The following ZFAND6 variants were observed in gnomAD, a reference collection of about 807,000 sequenced individuals.
The protein encoded by ZFAND6 is zinc finger AN1-type containing 6, also known as AN1-type zinc finger protein 6.
In ZFAND6, 12 loss-of-function variants were observed where a neutral mutation model predicts 24.5. The ratio of observed to expected loss-of-function variants is 0.49; its 90% CI spans 0.31 to 0.79. The LOEUF is 0.79. Ranked by LOEUF, ZFAND6 falls within the 30% of genes least tolerant of loss-of-function variation. The pLI, the probability that ZFAND6 is intolerant of heterozygous loss-of-function variation, is 0.04. For synonymous variants in ZFAND6, 92 were observed against 81.5 expected, an observed-to-expected ratio of 1.13 and a Z score of -0.69; for missense variants, 207 against 245.9, an observed-to-expected ratio of 0.84 and a Z score of 1.06.
chr15:80,091,285 G>C (rs2038354391), intron 1 of ZFAND6, among the ~76,000 whole-genome samples: 1 of 152,026 alleles, frequency 6.6e-6, no homozygotes, highest in Non-Finnish European at 1.5e-5. Context: ...AAAATCTAGA[G>C]GTGTTATTGA....
chr15:80,116,637 C>A (rs952425638), intron 2 of ZFAND6, among the ~76,000 whole-genome samples: 1 of 152,090 alleles, frequency 6.6e-6, no homozygotes, highest in Non-Finnish European at 1.5e-5. Flanking sequence ...AATAGAGGTT[C>A]TTTGATATTA....
At chr15:80,128,746 C>A (rs1297354396) in intron 5 of ZFAND6, among the ~76,000 whole-genome samples, 1 of 152,166 alleles carries the variant, frequency 6.6e-6, no homozygotes. Flanking sequence ...TTTAGATAGC[C>A]TTCTGATCCT....
rs368985546 is a variant in ZFAND6 at position 80,122,723 on chromosome 15, T to C, written c.287T>C (p.Leu96Ser). ...QPSPVSNQSL[L>S]SESVASSQLD... ...AGCCCTGTATCAAATCAGTCACTTT[T>C]ATCAGAATCTGTAGCATCTTCTCAA... Residue 96 changes from leucine (L) to serine (S), a missense_variant, in exon 5 of 7, where the codon TTA (leucine) becomes TCA (serine). Transcript: ENST00000261749. The C allele has an allele frequency of 2.5e-6, 4 of 1,613,526 alleles. No individual in the cohort carries two copies. Among genetic ancestry groups the C allele is most frequent in the South Asian group, 1.1e-5 (1 of 91,074 alleles).
chr15:80,080,517 T>C (rs1228209619), intron 1 of ZFAND6, among the ~76,000 whole-genome samples: 2 of 152,178 alleles, frequency 1.3e-5, no homozygotes, highest in African/African-American at 4.8e-5. Context: ...GTAATAAAAG[T>C]TATGTGATAT....
chr15:80,104,132 G>A (rs907105498), intron 2 of ZFAND6, among the ~76,000 whole-genome samples: 1 of 152,010 alleles, frequency 6.6e-6, no homozygotes, highest in Non-Finnish European at 1.5e-5. Flanking sequence ...GTGAGCCACC[G>A]CCCCTGGCCG....
At chr15:80,105,242 A>G (rs539780730) in intron 2 of ZFAND6, among the ~76,000 whole-genome samples, 7 of 152,338 alleles carry the variant, frequency 4.6e-5, no homozygotes, top group Admixed American at 3.9e-4. Context: ...ATCATTTTAT[A>G]AACTTTTGAG....
intron 1 of ZFAND6, among the ~76,000 whole-genome samples, chr15:80,086,638 C>T (rs1446553637): frequency 6.6e-6 from 1 of 152,188 alleles, no homozygotes; most frequent in Non-Finnish European, 1.5e-5. Context: ...CACTACCTGT[C>T]ATTAGCTTAA....
chr15:80,092,491 A>G (rs556660019), intron 1 of ZFAND6, among the ~76,000 whole-genome samples: 6 of 152,328 alleles, frequency 3.9e-5, no homozygotes, highest in African/African-American at 1.4e-4. Context: ...TGAATGTGCT[A>G]TTTAAAACAT....
intron 1 of ZFAND6, among the ~76,000 whole-genome samples, chr15:80,089,990 A>G (rs2141893295): frequency 6.6e-6 from 1 of 152,236 alleles, no homozygotes; most frequent in South Asian, 2.1e-4. Context: ...ATAAACCAAA[A>G]CAATCCTTTC....
At chr15:80,061,670 A>G (rs1256696862) in intron 1 of ZFAND6, among the ~76,000 whole-genome samples, 1 of 152,178 alleles carries the variant, frequency 6.6e-6, no homozygotes, top group African/African-American at 2.4e-5. Context: ...TGATATGTTA[A>G]TCTGCCATAA....
intron 1 of ZFAND6, among the ~76,000 whole-genome samples, chr15:80,061,515 G>C (rs1010561504): frequency 6.6e-6 from 1 of 152,088 alleles, no homozygotes; most frequent in African/African-American, 2.4e-5. Context: ...TCTGTGCAGT[G>C]GATTTTGTGT....
intron 2 of ZFAND6, among the ~76,000 whole-genome samples, chr15:80,103,097 G>A (rs2039124466): frequency 6.6e-6 from 1 of 152,202 alleles, no homozygotes; most frequent in Admixed American, 6.5e-5. Flanking sequence ...GTACTAAAAG[G>A]TCAGCAAGAG....
At chr15:80,133,142 A>G (rs2040687786) in intron 6 of ZFAND6, among the ~76,000 whole-genome samples, 1 of 151,978 alleles carries the variant, frequency 6.6e-6, no homozygotes, top group Non-Finnish European at 1.5e-5. Flanking sequence ...TAGATTCTAA[A>G]GCTGGAGACT....
At chr15:80,122,585 G>T in intron 4 of ZFAND6, 115 bp from the exon 5 acceptor site, 1 of 647,204 alleles carries the variant, frequency 1.5e-6, no homozygotes, top group Non-Finnish European at 2.7e-6. Flanking sequence ...AAAAAAGTAT[G>T]TCTGTGTTCT....
intron 2 of ZFAND6, chr15:80,115,027 A>C (rs2039807931): frequency 6.6e-6 from 1 of 152,134 alleles, no homozygotes; most frequent in Admixed American, 6.6e-5. Context: ...TGTTTTTTAG[A>C]TCAAAAGACA....
intron 2 of ZFAND6, among the ~76,000 whole-genome samples, chr15:80,107,511 G>A (rs562481351): frequency 3.3e-5 from 5 of 152,194 alleles, no homozygotes; most frequent in Non-Finnish European, 7.4e-5. Flanking sequence ...TGAATAAGAC[G>A]AATAACAAGT....
chr15:80,135,990 A>G (rs898177168), intron 6 of ZFAND6, among the ~76,000 whole-genome samples: 17 of 152,076 alleles, frequency 1.1e-4, no homozygotes, highest in Non-Finnish European at 2.2e-4. Flanking sequence ...GCTGATCATG[A>G]TGGCATGTGC....
chr15:80,064,554 G>A (rs1335961860), intron 1 of ZFAND6, among the ~76,000 whole-genome samples: 1 of 151,792 alleles, frequency 6.6e-6, no homozygotes, highest in Non-Finnish European at 1.5e-5. Context: ...TAGCAACTCT[G>A]CTATATACTG....
intron 2 of ZFAND6, among the ~76,000 whole-genome samples, chr15:80,101,662 T>C (rs2039039109): frequency 6.6e-6 from 1 of 152,134 alleles, no homozygotes; most frequent in Non-Finnish European, 1.5e-5. Context: ...ATTCTCTTTG[T>C]CTGGAACATG....
Sources: gnomAD v4.1 joint callset for allele counts (sites outside exome capture counted in the v4.1 genomes callset) on GRCh38, gnomAD v4.1.1 for gene constraint, MANE v1.5 for transcripts, NCBI Gene and HGNC (gene_info 2026-07-23, HGNC 2026-07-21) for gene names.